Variants in TUBA1B observed in about 807,000 individuals in gnomAD.
The protein encoded by TUBA1B is tubulin alpha 1b.
A neutral mutation model predicts 34.4 loss-of-function variants in TUBA1B; 1 was observed. The observed-to-expected ratio is 0.03, with a 90% confidence interval of 0.01 to 0.14. TUBA1B has a LOEUF of 0.14. Ranked by LOEUF, TUBA1B falls within the 10% of genes least tolerant of loss-of-function variation. TUBA1B has a pLI of 1.00. For missense variants in TUBA1B, 54 were observed against 583.6 expected (o/e 0.09, Z 9.35); for synonymous variants, 197 against 212.5 (o/e 0.93, Z 0.64).
At position 49,129,555 on chromosome 12, in the gene TUBA1B, G is replaced by C. The variant is rs11546587; in HGVS notation, c.171C>G (p.Gly57=). 1.2e-6 allele frequency: 2 copies of C among 1,614,034 alleles called. No individual in the cohort carries two copies. Among genetic ancestry groups the C allele is most frequent in the Non-Finnish European group, 1.7e-6 (2 of 1,180,028 alleles). Residue 57 remains glycine (G), a synonymous_variant, in exon 2 of 4, where the codon GGC becomes GGG. Transcript: ENST00000336023. ...CAGCCCGGGGCACGTGCTTGCCAGCGCCCGTCTCACTGAAGAAGGTGTTGA... is the reference window on the plus strand; with the variant it reads ...CAGCCCGGGGCACGTGCTTGCCAGCCCCCGTCTCACTGAAGAAGGTGTTGA... The part of the protein sequence containing the change: ...DSFNTFFSET[G]AGKHVPRAVF...
intron 1 of TUBA1B, chr12:49,130,298 G>C: frequency 7.8e-7 from 1 of 1,289,234 alleles, no homozygotes; most frequent in Non-Finnish European, 1.0e-6. Flanking sequence ...CACGTGGCCA[G>C]ACCAGCGCAG....
At position 49,128,960 on chromosome 12, in the gene TUBA1B, T is replaced by G. The variant is rs1941770886; in HGVS notation, c.376-22A>C. ...CAGCCTGTAGGGGAATAAAAAAATG[T>G]AATATTTTAATGCCAGGACACATTA... On this transcript the variant is annotated intron_variant, in intron 3 of 3. Coordinates refer to ENST00000336023, the MANE Select transcript of TUBA1B (RefSeq NM_006082.3). The surrounding 1 kb of genome is among the most constrained non-coding windows in gnomAD (Gnocchi z 8.1). 1 of 1,571,558 alleles carries G rather than the reference T, an allele frequency of 6.4e-7. No individual in the cohort carries two copies. Among genetic ancestry groups the G allele is most frequent in the African/African-American group, 1.4e-5 (1 of 72,922 alleles).
chr12:49,130,822 G>T (rs1440377845), intron 1 of TUBA1B: 2 of 166,292 alleles, frequency 1.2e-5, no homozygotes, highest in Admixed American at 5.9e-5. Context: ...GCGGTTTCCC[G>T]CCCAGGAGCG....
intron 1 of TUBA1B, chr12:49,129,955 T>C (rs1464640627): frequency 5.2e-5 from 52 of 1,002,902 alleles, no homozygotes; most frequent in Non-Finnish European, 7.1e-5. Context: ...AATTTTTTCA[T>C]TTTTTTTGTG....
chr12:49,127,804 T>G lies in TUBA1B; in HGVS notation c.*154A>C, dbSNP rs1302804004. 1.6e-6 allele frequency: 2 copies of G among 1,247,578 alleles called. No individual in the cohort carries two copies. The allele number at this position is 1,247,578 out of a possible 1,614,324, so 77.3% of individuals were successfully genotyped here. A position where few individuals can be genotyped will look rare whatever the true frequency, so the allele number is the denominator to read the frequency against. The stretch of plus-strand genomic sequence containing the variant: ...AGCTTTTGATGTTAATGACTTTACT[T>G]TGAGATATGATGGAAAAATATTACA... On this transcript the variant is annotated 3_prime_UTR_variant, in exon 4 of 4. Transcript: ENST00000336023.
At chr12:49,130,973 G>A (rs901722491) in intron 1 of TUBA1B, 5 of 296,072 alleles carry the variant, frequency 1.7e-5, no homozygotes, top group African/African-American at 6.4e-5. Flanking sequence ...GCGCTGGAAA[G>A]GACTGCGGGG....
At chr12:49,130,092 G>A in intron 1 of TUBA1B, 2 of 1,198,244 alleles carry the variant, frequency 1.7e-6, no homozygotes, top group Admixed American at 3.5e-5. Context: ...CTACACTATA[G>A]TCTACGTTGC....
chr12:49,129,147 G>C (rs1036897084), intron 3 of TUBA1B, 95 bp downstream of exon 3: 2 of 1,603,756 alleles, frequency 1.2e-6, no homozygotes, highest in Admixed American at 3.3e-5. Flanking sequence ...CCACATTTTG[G>C]TAGGTGCCAA....
Position 49,131,317 on chromosome 12 carries a change from G to C in TUBA1B, c.-17C>G, listed in dbSNP as rs1192528452. ...ACTCACCATAGTGGCTAGGGATTAG[G>C]AGGCGAAGGCGACAGGAGCAGACAC... On this transcript the variant is annotated 5_prime_UTR_variant, in exon 1 of 4. Coordinates refer to ENST00000336023, the MANE Select transcript of TUBA1B (RefSeq NM_006082.3). The C allele has an allele frequency of 1.9e-6, 3 of 1,610,892 alleles. No homozygotes were observed. The highest frequency in any genetic ancestry group is 4.5e-5 in the East Asian group (2 of 44,832).
intron 1 of TUBA1B, chr12:49,130,217 C>A (rs1400042913): frequency 7.8e-7 from 1 of 1,280,914 alleles, no homozygotes; most frequent in Non-Finnish European, 1.0e-6. Context: ...GGCATCCATC[C>A]AGCGCTCAGG....
intron 1 of TUBA1B, chr12:49,130,527 G>A (rs1285509289): frequency 2.6e-6 from 1 of 379,526 alleles, no homozygotes; most frequent in Admixed American, 3.6e-5. Flanking sequence ...GGAGATTATC[G>A]GCGGCCCAGA....
At position 49,128,189 on chromosome 12, in the gene TUBA1B, C is replaced by A. The variant is rs879029799; in HGVS notation, c.1125G>T (p.Val375=). The change falls in exon 4 of 4, where the codon GTG becomes GTT. Residue 375 remains valine, a synonymous_variant. Transcript: ENST00000336023. This position sits in a 1 kb window ranked among gnomAD's most constrained non-coding sequence, Gnocchi z 8.1. ...TGGCTGTGGTGTTGCTCAGCATGCA[C>A]ACAGCTCTCTGTACCTTGGCCAGGT... ...GGDLAKVQRA[V]CMLSNTTAIA... is the part of the protein sequence containing the mutation. 1 of 1,614,196 alleles carries A rather than the reference C, an allele frequency of 6.2e-7. No homozygotes were observed. Among genetic ancestry groups the A allele is most frequent in the South Asian group, 1.1e-5 (1 of 91,088 alleles).
intron 1 of TUBA1B, chr12:49,130,405 G>C: frequency 1.3e-5 from 17 of 1,268,710 alleles, no homozygotes; most frequent in Non-Finnish European, 1.8e-5. Context: ...CGGCGGTGCT[G>C]CAGAGGCACG....
rs978234772 is a variant in TUBA1B, at chr12:49,131,320, G to T, written c.-20C>A. On this transcript the variant is annotated 5_prime_UTR_variant, in exon 1 of 4. Transcript: ENST00000336023. ...CACCATAGTGGCTAGGGATTAGGAG[G>T]CGAAGGCGACAGGAGCAGACACCGG... The T allele has an allele frequency of 1.2e-6, 2 of 1,610,860 alleles. No individual in the cohort carries two copies. The highest frequency in any genetic ancestry group is 1.7e-6 in the Non-Finnish European group (2 of 1,178,712).
At chr12:49,130,160 C>T (rs982804890) in intron 1 of TUBA1B, 19 of 1,226,156 alleles carry the variant, frequency 1.5e-5, no homozygotes, top group Non-Finnish European at 1.9e-5. Flanking sequence ...CAGACCAAGA[C>T]AGCTCAGTCA....
chr12:49,127,785 T>C lies in TUBA1B; in HGVS notation c.*173A>G. On this transcript the variant is annotated 3_prime_UTR_variant, in exon 4 of 4. Coordinates refer to ENST00000336023, the MANE Select transcript of TUBA1B (RefSeq NM_006082.3). ...AAAAAAACGCAGGAAACAAAGCTTT[T>C]GATGTTAATGACTTTACTTTGAGAT... 1 of 1,057,374 alleles carries C rather than the reference T, an allele frequency of 9.5e-7. No individual in the cohort carries two copies. The highest frequency in any genetic ancestry group is 1.4e-6 in the Non-Finnish European group (1 of 736,350). 65.5% of individuals were successfully genotyped at this position (1,057,374 alleles called of 1,614,324 possible).
chr12:49,128,114 G>A lies in TUBA1B; in HGVS notation c.1200C>T (p.Ala400=), dbSNP rs761373673. 1.9e-6 allele frequency: 3 copies of A among 1,614,218 alleles called. No homozygotes were observed. The highest frequency in any genetic ancestry group is 2.2e-5 in the South Asian group (2 of 91,088). ...CGTACCAGTGAACAAAGGCACGCTT[G>A]GCATACATCAGGTCAAACTTGTGGT... ...RLDHKFDLMY[A]KRAFVHWYVG... Residue 400 remains alanine (A), a synonymous_variant, in exon 4 of 4, where the codon GCC becomes GCT. Coordinates refer to ENST00000336023, the MANE Select transcript of TUBA1B (RefSeq NM_006082.3). This position sits in a 1 kb window ranked among gnomAD's most constrained non-coding sequence, Gnocchi z 8.1.
intron 1 of TUBA1B, chr12:49,130,267 G>A (rs1255895723): frequency 1.6e-6 from 2 of 1,289,106 alleles, no homozygotes; most frequent in Admixed American, 4.6e-5. Flanking sequence ...CACATTTCCG[G>A]GCAGCTCCTA....
chr12:49,129,755 A>G, intron 1 of TUBA1B, 33 bp from the exon 2 acceptor site: 2 of 1,613,532 alleles, frequency 1.2e-6, no homozygotes, highest in South Asian at 1.1e-5. Context: ...CACAATTTAA[A>G]CCAATCTATT....
Sources: gnomAD v4.1 joint callset for allele counts on GRCh38, gnomAD v4.1.1 for gene constraint, Gnocchi (gnomAD v3.1) non-coding constraint, MANE v1.5 for transcripts, NCBI Gene and HGNC (gene_info 2026-07-23, HGNC 2026-07-21) for gene names.